Variants in SORCS3 observed in about 807,000 individuals in gnomAD.
SORCS3 encodes sortilin related VPS10 domain containing receptor 3.
A neutral mutation model predicts 146.3 loss-of-function variants in SORCS3; 57 were observed. That is an observed-to-expected ratio of 0.39 (90% CI 0.31 to 0.49). The LOEUF is 0.49. SORCS3 is among the 20% of genes least tolerant of loss of function. The pLI is 0.92. For synonymous variants in SORCS3, 653 were observed against 618.5 expected, an observed-to-expected ratio of 1.06 and a Z score of -0.83; for missense variants, 1,341 against 1,575.5, an observed-to-expected ratio of 0.85 and a Z score of 2.52.
intron 22 of SORCS3, among the ~76,000 whole-genome samples, chr10:105,249,511 G>C (rs982243384): frequency 6.6e-6 from 1 of 152,110 alleles, no homozygotes; most frequent in Non-Finnish European, 1.5e-5. Flanking sequence ...AATGACATAG[G>C]AGCATTGCTG....
At chr10:104,942,617 GA>G (rs1272356657) in intron 3 of SORCS3, among the ~76,000 whole-genome samples, 1 of 152,136 alleles carries the variant, frequency 6.6e-6, no homozygotes, top group Non-Finnish European at 1.5e-5. Flanking sequence ...TTTATTTTAG[GA>G]ATGCAAGGTC....
intron 5 of SORCS3, among the ~76,000 whole-genome samples, chr10:105,089,414 G>A: frequency 6.6e-6 from 1 of 152,210 alleles, no homozygotes; most frequent in Non-Finnish European, 1.5e-5. Context: ...AGTTAAGACA[G>A]AGGAGATAGA....
chr10:104,761,053 A>G (rs2017116114), intron 1 of SORCS3, among the ~76,000 whole-genome samples: 1 of 152,166 alleles, frequency 6.6e-6, no homozygotes. Context: ...ATGTACTTCT[A>G]TGGAAATCCT....
intron 12 of SORCS3, among the ~76,000 whole-genome samples, chr10:105,164,913 T>A (rs1589665934): frequency 6.6e-6 from 1 of 152,220 alleles, no homozygotes; most frequent in African/African-American, 2.4e-5. Context: ...GCATGAAATG[T>A]TAATTCAGTT....
intron 7 of SORCS3, among the ~76,000 whole-genome samples, chr10:105,112,393 T>C (rs1487937596): frequency 6.6e-6 from 1 of 152,140 alleles, no homozygotes; most frequent in Non-Finnish European, 1.5e-5. Flanking sequence ...GTATCGATAG[T>C]AATCAATATC....
chr10:104,743,709 A>G (rs919879066), intron 1 of SORCS3, among the ~76,000 whole-genome samples: 1 of 152,060 alleles, frequency 6.6e-6, no homozygotes, highest in Non-Finnish European at 1.5e-5. Context: ...TCTTGTCTCC[A>G]TATTCTCCCC....
At chr10:105,122,919 T>G (rs1188875170) in intron 7 of SORCS3, among the ~76,000 whole-genome samples, 1 of 152,032 alleles carries the variant, frequency 6.6e-6, no homozygotes, top group Non-Finnish European at 1.5e-5. Context: ...GTGAAGGGAG[T>G]TGGCGTTCCT....
intron 1 of SORCS3, among the ~76,000 whole-genome samples, chr10:104,807,131 C>CTTTTTTTTTTTTTTTTTTTTTTTTTT (rs1292315654): frequency 6.6e-6 from 1 of 151,128 alleles, no homozygotes. Flanking sequence ...TGGACTGTTG[C>CTTTTTTTTTTTTTTTTTTTTTTTTTT]TTTTAAGAAA....
chr10:105,186,229 G>A (rs1447749361), intron 14 of SORCS3, among the ~76,000 whole-genome samples: 2 of 152,082 alleles, frequency 1.3e-5, no homozygotes, highest in Admixed American at 6.6e-5. Flanking sequence ...AATAATTCTT[G>A]TACTATTTTC....
chr10:105,256,447 T>G (rs1245236275), intron 24 of SORCS3, among the ~76,000 whole-genome samples: 1 of 152,162 alleles, frequency 6.6e-6, no homozygotes, highest in East Asian at 1.9e-4. Flanking sequence ...AACACTGCAT[T>G]AGTACTTAAC....
intron 1 of SORCS3, among the ~76,000 whole-genome samples, chr10:104,810,907 A>C (rs2017733022): frequency 6.6e-6 from 1 of 152,210 alleles, no homozygotes; most frequent in South Asian, 2.1e-4. Context: ...GGAGAAATAA[A>C]AATGTCTGAG....
Position 105,217,175 on chromosome 10 carries a change from CT to C in SORCS3, c.2734+54del. 1.9e-6 allele frequency: 3 copies of C among 1,585,166 alleles called. No individual in the cohort carries two copies. The South Asian group carries it at 3.4e-5, about 18-fold the overall frequency. ...CCCTTTGTTCCCAGTTGGCAACTTG[CT>C]CTGTTCAGACTTCCTAAAATTCAGA... On this transcript the variant is annotated intron_variant, in intron 19 of 26. Coordinates refer to ENST00000369701, the MANE Select transcript of SORCS3 (RefSeq NM_014978.3).
At position 104,842,817 on chromosome 10, in the gene SORCS3, A is replaced by G. The variant is rs776105620; in HGVS notation, c.653A>G (p.Tyr218Cys). The change falls in exon 2 of 27, where the codon TAT becomes TGT. Residue 218 changes from tyrosine to cysteine, a missense_variant. Transcript: ENST00000369701. The part of the protein sequence containing the change: ...SSVILILTKL[Y>C]DFNLGSVTES... Reference sequence around the variant, plus strand: ...GTCATACTTATCCTGACGAAGCTGTATGACTTCAACCTGGGCAGCGTGACT... The same window carrying G: ...GTCATACTTATCCTGACGAAGCTGTGTGACTTCAACCTGGGCAGCGTGACT... 9 of 1,613,796 alleles carry G rather than the reference A, an allele frequency of 5.6e-6. No individual in the cohort carries two copies. Among genetic ancestry groups the G allele is most frequent in the Admixed American group, 1.7e-5 (1 of 59,994 alleles).
chr10:104,859,061 GGT>G (rs1374702006), intron 2 of SORCS3, among the ~76,000 whole-genome samples: 2 of 151,912 alleles, frequency 1.3e-5, no homozygotes, highest in Non-Finnish European at 2.9e-5. Context: ...GTGTGTGTGT[GGT>G]GTGTGTATGT....
At chr10:104,670,933 A>G (rs10884030) in intron 1 of SORCS3, among the ~76,000 whole-genome samples, 19,411 of 152,090 alleles carry the variant, frequency 0.13, 1,228 homozygotes, top group Non-Finnish European at 0.15. Context: ...GCTATTATAA[A>G]TGAAATTGTT....
chr10:104,711,861 T>C (rs1054571662), intron 1 of SORCS3, among the ~76,000 whole-genome samples: 24 of 152,042 alleles, frequency 1.6e-4, no homozygotes, highest in Non-Finnish European at 3.4e-4. Flanking sequence ...GTTCTGTGCC[T>C]GGAGGACATA....
chr10:105,209,847 C>T lies in SORCS3; in HGVS notation c.2262-1290C>T, dbSNP rs556685532. Among the ~76,000 whole-genome samples the T allele has an allele frequency of 3.9e-5, 6 of 152,136 alleles. No individual in the cohort carries two copies. In the East Asian group the frequency reaches 7.7e-4, roughly 20 times the overall value. On this transcript the variant is annotated intron_variant, in intron 16 of 26. Transcript: ENST00000369701. ...GGTCAGACTCGGAAGATATTGTGTA[C>T]GATCTCATTAATCAATTGGTTCTTC...
intron 5 of SORCS3, among the ~76,000 whole-genome samples, chr10:105,088,957 G>T (rs746733963): frequency 1.7e-4 from 26 of 152,180 alleles, no homozygotes; most frequent in Non-Finnish European, 3.8e-4. Context: ...AGAGAGAGTG[G>T]ATTGTGTGAT....
Position 105,263,453 on chromosome 10 carries a change from TA to T in SORCS3, c.*83del. The T allele has an allele frequency of 1.4e-6, 2 of 1,396,980 alleles. No individual in the cohort carries two copies. Among genetic ancestry groups the T allele is most frequent in the Non-Finnish European group, 2.0e-6 (2 of 1,000,862 alleles). The allele number at this position is 1,396,980 out of a possible 1,614,324, so 86.5% of individuals were successfully genotyped here. A position where few individuals can be genotyped will look rare whatever the true frequency, so the allele number is the denominator to read the frequency against. On this transcript the variant is annotated 3_prime_UTR_variant, in exon 27 of 27. Transcript: ENST00000369701. Reference sequence around the variant, plus strand: ...ACTATTACTATTATTATGGAAAAATTAAAATGTCTTTTTTACCTTTTGTTTA... The same window carrying T: ...ACTATTACTATTATTATGGAAAAATTAAATGTCTTTTTTACCTTTTGTTTA...
Sources: allele counts gnomAD v4.1 joint callset (sites outside exome capture counted in the v4.1 genomes callset), GRCh38; gene constraint gnomAD v4.1.1; transcripts MANE v1.5; gene names NCBI Gene and HGNC (gene_info 2026-07-23, HGNC 2026-07-21).